LARGE1: variants seen among roughly 807,000 people sequenced by gnomAD.
LARGE1 encodes the protein LARGE xylosyl- and glucuronyltransferase 1, also known as xylosyl- and glucuronyltransferase LARGE1.
A neutral mutation model predicts 87.6 loss-of-function variants in LARGE1; 43 were observed. The observed-to-expected ratio is 0.49, with a 90% CI of 0.38 to 0.63. The LOEUF (loss-of-function observed/expected upper bound fraction) is 0.63. Among genes scored for constraint, LARGE1 ranks in the 30% least tolerant of loss-of-function variants. The pLI is 0.00. For missense variants in LARGE1, 802 were observed against 1,000.2 expected (o/e 0.80, Z 2.67); for synonymous variants, 434 against 394.6 (o/e 1.10, Z -1.18).
the LARGE1 span, among the ~76,000 whole-genome samples, chr22:33,156,794 C>T: frequency 1.3e-5 from 2 of 152,100 alleles, no homozygotes; most frequent in African/African-American, 4.8e-5. Context: ...TGTGTCCCCA[C>T]CAAAATTTCA....
the LARGE1 span, among the ~76,000 whole-genome samples, chr22:33,084,733 A>T: frequency 3.3e-5 from 5 of 152,234 alleles, no homozygotes; most frequent in Non-Finnish European, 5.9e-5. Context: ...CCACATTAAA[A>T]AGTAAAAAGA....
chr22:33,293,573 C>A (rs573892103), intron 12 of LARGE1, among the ~76,000 whole-genome samples: 16 of 152,200 alleles, frequency 1.1e-4, no homozygotes, highest in African/African-American at 3.4e-4. Context: ...GAAAAATGAA[C>A]TTCTTTGAGT....
intron 6 of LARGE1, among the ~76,000 whole-genome samples, chr22:33,559,180 G>A (rs2077780531): frequency 6.6e-6 from 1 of 152,172 alleles, no homozygotes; most frequent in Non-Finnish European, 1.5e-5. Context: ...CTGCTTCATT[G>A]ATGGTACACC....
chr22:33,654,057 T>C (rs1049228584), intron 2 of LARGE1, among the ~76,000 whole-genome samples: 1 of 152,210 alleles, frequency 6.6e-6, no homozygotes, highest in Non-Finnish European at 1.5e-5. Flanking sequence ...CGACATCCTG[T>C]GTCCATTTCT....
At chr22:33,636,707 T>G (rs2080278280) in intron 3 of LARGE1, among the ~76,000 whole-genome samples, 1 of 152,024 alleles carries the variant, frequency 6.6e-6, no homozygotes, top group Non-Finnish European at 1.5e-5. Flanking sequence ...TTTGTATTTT[T>G]TTTTTGGAGA....
intron 14 of LARGE1, among the ~76,000 whole-genome samples, chr22:33,275,267 A>G (rs746155847): frequency 2.0e-5 from 3 of 152,364 alleles, no homozygotes; most frequent in Non-Finnish European, 4.4e-5. Flanking sequence ...CAAAAATAAA[A>G]GGCCTCTGAA....
the LARGE1 span, among the ~76,000 whole-genome samples, chr22:33,088,059 C>G: frequency 6.6e-6 from 1 of 152,074 alleles, no homozygotes; most frequent in African/African-American, 2.4e-5. Flanking sequence ...CTAACACACA[C>G]ACACACACAA....
At chr22:33,556,823 T>G (rs2077704733) in intron 6 of LARGE1, among the ~76,000 whole-genome samples, 1 of 151,740 alleles carries the variant, frequency 6.6e-6, no homozygotes, top group South Asian at 2.1e-4. Flanking sequence ...GTGGCCAACA[T>G]GGTGAAACCC....
rs186358061 is a variant in LARGE1 at position 33,594,293 on chromosome 22, G to C, written c.615+10142C>G. Among the ~76,000 whole-genome samples the C allele has an allele frequency of 2.7e-3, 404 of 152,178 alleles. 3 individuals are homozygous for C. The highest frequency in any genetic ancestry group is 3.7e-3 in the Non-Finnish European group (253 of 68,016). On this transcript the variant is annotated intron_variant, in intron 5 of 14. Transcript: ENST00000397394. ...AACACCCTGGGCCTTGCAGTATCTAGAGCCCATAGTTTTCATTAACTTTTT... is the reference window on the plus strand; with the variant it reads ...AACACCCTGGGCCTTGCAGTATCTACAGCCCATAGTTTTCATTAACTTTTT...
intron 1 of LARGE1, among the ~76,000 whole-genome samples, chr22:33,906,765 C>A (rs888013286): frequency 2.6e-5 from 4 of 152,072 alleles, no homozygotes; most frequent in African/African-American, 9.7e-5. Context: ...TTTCTGAGAT[C>A]TCTGGACAGG....
At chr22:33,756,913 G>A (rs1054454477) in intron 2 of LARGE1, among the ~76,000 whole-genome samples, 19 of 152,268 alleles carry the variant, frequency 1.2e-4, no homozygotes, top group Admixed American at 9.2e-4. Context: ...ACCGAGACAC[G>A]GAGTGAATGA....
intron 11 of LARGE1, among the ~76,000 whole-genome samples, chr22:33,167,690 C>T (rs1922345207): frequency 1.3e-5 from 2 of 152,218 alleles, no homozygotes; most frequent in Non-Finnish European, 2.9e-5. Flanking sequence ...TCCCAAGAAT[C>T]CGAGTTCTTA....
intron 2 of LARGE1, among the ~76,000 whole-genome samples, chr22:33,675,677 G>A (rs5999051): frequency 0.039 from 5,889 of 152,110 alleles, 168 homozygotes; most frequent in African/African-American, 0.074. Flanking sequence ...ATTATACCTG[G>A]TACCACAATT....
intron 1 of LARGE1, among the ~76,000 whole-genome samples, chr22:33,824,697 A>G (rs1460054252): frequency 1.3e-5 from 2 of 152,230 alleles, no homozygotes; most frequent in Admixed American, 1.3e-4. Flanking sequence ...TGACTCCAGA[A>G]TTTAAAAATA....
At chr22:33,708,842 G>T (rs923542782) in intron 2 of LARGE1, among the ~76,000 whole-genome samples, 1 of 152,056 alleles carries the variant, frequency 6.6e-6, no homozygotes, top group Non-Finnish European at 1.5e-5. Flanking sequence ...CTCGTGATCC[G>T]CCCGCCTTGG....
rs753384621 is a variant in LARGE1 at position 33,277,101 on chromosome 22, C to G, written c.2032G>C (p.Gly678Arg). Residue 678 changes from glycine (G) to arginine (R), a missense_variant, in exon 14 of 15, where the codon GGC (glycine) becomes CGC (arginine). Gly to Arg is a moderately radical substitution (Grantham distance 125). Around this residue, in one of 2 missense-constraint regions of LARGE1, gnomAD observed 625 missense variants for 841.9 expected, o/e 0.74. Coordinates refer to ENST00000397394, the MANE Select transcript of LARGE1 (RefSeq NM_133642.5). ...ATGATATGAGCCACTTTGTTCCAGC[C>G]AAAGCCTACAAACCTCCGGTCGTAC... ...PEYDRRFVGFGWNKVAHIMEL... is the reference protein window; with the variant it reads ...PEYDRRFVGFRWNKVAHIMEL... 6.2e-7 allele frequency: 1 copy of G among 1,614,248 alleles called. No individual in the cohort carries two copies. The highest frequency in any genetic ancestry group is 8.5e-7 in the Non-Finnish European group (1 of 1,180,040).
At chr22:33,916,644 T>C (rs1396814649) in intron 1 of LARGE1, among the ~76,000 whole-genome samples, 1 of 152,132 alleles carries the variant, frequency 6.6e-6, no homozygotes, top group Non-Finnish European at 1.5e-5. Flanking sequence ...CTCTCAGCCT[T>C]TTGGGTCTTA....
At chr22:33,346,624 T>C (rs1185496667) in intron 9 of LARGE1, among the ~76,000 whole-genome samples, 2 of 152,126 alleles carry the variant, frequency 1.3e-5, no homozygotes, top group Admixed American at 6.6e-5. Flanking sequence ...TTTCTACCAA[T>C]GCCAGCTCAT....
At chr22:33,499,215 C>T (rs1442476159) in intron 6 of LARGE1, among the ~76,000 whole-genome samples, 2 of 152,150 alleles carry the variant, frequency 1.3e-5, no homozygotes, top group African/African-American at 2.4e-5. Flanking sequence ...CTGCCCTGAA[C>T]AGGATTCGCC....
Sources: allele counts gnomAD v4.1 joint callset (sites outside exome capture counted in the v4.1 genomes callset), GRCh38; gene constraint gnomAD v4.1.1; regional missense constraint gnomAD v4.1.1; transcripts MANE v1.5; gene names NCBI Gene and HGNC (gene_info 2026-07-23, HGNC 2026-07-21).